Variants in CFAP46 observed in about 807,000 individuals in gnomAD.
CFAP46 encodes cilia and flagella associated protein 46.
A neutral mutation model predicts 325.7 loss-of-function variants in CFAP46; 245 were observed. That is an observed-to-expected ratio of 0.75 (90% CI 0.68 to 0.84). CFAP46 has a LOEUF of 0.84. Among genes scored for constraint, CFAP46 ranks in the 40% least tolerant of loss-of-function variants. The pLI is 0.00. For synonymous variants in CFAP46, 1,523 were observed against 1,495.9 expected (o/e 1.02, Z -0.42); for missense variants, 3,346 against 3,543.0 (o/e 0.94, Z 1.41).
intron 39 of CFAP46, among the ~76,000 whole-genome samples, chr10:132,852,381 A>AC (rs879341658): frequency 1.8e-3 from 69 of 37,948 alleles, no homozygotes; most frequent in Middle Eastern, 0.01. Flanking sequence ...TTTACTTAAG[A>AC]ATTCTCAGAT....
At chr10:132,917,707 G>C (rs528611244) in intron 16 of CFAP46, among the ~76,000 whole-genome samples, 1 of 152,296 alleles carries the variant, frequency 6.6e-6, no homozygotes, top group South Asian at 2.1e-4. Flanking sequence ...AATCCAGGAA[G>C]TTTTCCCTCC....
intron 17 of CFAP46, 101 bp from the exon 18 acceptor site, chr10:132,913,359 AAG>A: frequency 1.9e-6 from 1 of 531,072 alleles, no homozygotes. Context: ...GCTGCAGGGC[AAG>A]AAGTGGGAGG....
intron 1 of CFAP46, 41 bp from the exon 2 acceptor site, chr10:132,942,145 C>A: frequency 1.9e-6 from 3 of 1,548,850 alleles, no homozygotes; most frequent in Non-Finnish European, 2.6e-6. Context: ...GGTCACTGGG[C>A]TGGGAGAAGT....
chr10:132,885,835 C>T lies in CFAP46; in HGVS notation c.3429G>A (p.Arg1143=). 6.6e-7 allele frequency: 1 copy of T among 1,521,456 alleles called. No homozygotes were observed. The highest frequency in any genetic ancestry group is 8.9e-7 in the Non-Finnish European group (1 of 1,129,616). The allele number at this position is 1,521,456 out of a possible 1,614,324, so 94.2% of individuals were successfully genotyped here. The part of the protein sequence containing the change: ...VLDEAVQVLP[R]TAHRLLIFKH... ...GGAGCACTCACAGGCGGTGGGCCGT[C>T]CTTGGCAGCACCTGCACAGCCTCGT... The change falls in exon 26 of 58, where the codon AGG becomes AGA. Residue 1143 remains arginine, a synonymous_variant. Coordinates refer to ENST00000368586, the MANE Select transcript of CFAP46 (RefSeq NM_001200049.3).
chr10:132,824,219 C>CTGA (rs1847976943), intron 50 of CFAP46, among the ~76,000 whole-genome samples: 3 of 107,520 alleles, frequency 2.8e-5, no homozygotes, highest in African/African-American at 3.8e-5. Context: ...GCTGTGTGTG[C>CTGA]TGTGTGTTGT....
chr10:132,940,510 G>A (rs1030357851), intron 4 of CFAP46, among the ~76,000 whole-genome samples: 17 of 152,204 alleles, frequency 1.1e-4, no homozygotes, highest in African/African-American at 3.6e-4. Flanking sequence ...ACGCTGGGCC[G>A]AAGAAGGAAC....
rs1371999572 is a variant in CFAP46, at chr10:132,913,028, A to C, written c.2333+18T>G. 6.5e-7 allele frequency: 1 copy of C among 1,547,762 alleles called. No individual in the cohort carries two copies. On this transcript the variant is annotated intron_variant, in intron 18 of 57. Transcript: ENST00000368586. ...AAGAAGCCCCTCCCTGCGTGAACGC[A>C]GCACAGCCCACACGCACCCACTGTG...
In CFAP46 at chr10:132,869,267, C is replaced by T; in HGVS notation, c.4610+7G>A. On this transcript the variant is annotated splice_region_variant and intron_variant, in intron 33 of 57. Transcript: ENST00000368586. This position sits in a 1 kb window ranked among gnomAD's most constrained non-coding sequence, Gnocchi z 6.2. The stretch of plus-strand genomic sequence containing the variant: ...CCCCAGGCGGCGCAGGGTGGGACGG[C>T]ACACACCTGGCCTGCTCCAGCTCGC... 1.3e-6 allele frequency: 2 copies of T among 1,525,214 alleles called. No individual in the cohort carries two copies. Among genetic ancestry groups the T allele is most frequent in the Non-Finnish European group, 8.8e-7 (1 of 1,134,960 alleles). 94.5% of individuals were successfully genotyped at this position (1,525,214 alleles called of 1,614,324 possible).
chr10:132,920,064 C>T lies in CFAP46; in HGVS notation c.1725G>A (p.Lys575=). ...CTGGCCTTTTCCTCACTCACCTCTCCTTGTCGTTTTCGTTGCCCAGGCGCC... is the reference window on the plus strand; with the variant it reads ...CTGGCCTTTTCCTCACTCACCTCTCTTTGTCGTTTTCGTTGCCCAGGCGCC... ...HLRRLGNEND[K]ERIQIWAELA... Residue 575 remains lysine (K), a synonymous_variant, in exon 14 of 58, where the codon AAG becomes AAA. Transcript: ENST00000368586. 6.5e-7 allele frequency: 1 copy of T among 1,544,254 alleles called. No homozygotes were observed. Among genetic ancestry groups the T allele is most frequent in the Non-Finnish European group, 8.7e-7 (1 of 1,144,362 alleles).
At chr10:132,838,999 C>T (rs1848309707) in intron 44 of CFAP46, among the ~76,000 whole-genome samples, 1 of 152,240 alleles carries the variant, frequency 6.6e-6, no homozygotes, top group Admixed American at 6.5e-5. Flanking sequence ...AAATTATTGG[C>T]CACACGAATC....
chr10:132,857,779 G>A lies in CFAP46; in HGVS notation c.5385C>T (p.Ala1795=). 1 of 1,546,826 alleles carries A rather than the reference G, an allele frequency of 6.5e-7. No homozygotes were observed. Among genetic ancestry groups the A allele is most frequent in the Non-Finnish European group, 8.7e-7 (1 of 1,146,938 alleles). The change falls in exon 39 of 58, where the codon GCC becomes GCT. Residue 1795 remains alanine (A), a synonymous_variant. Transcript: ENST00000368586. ...LERAKIKRLR[A]QNEKDEEQKT... ...TTTGTTCTTCATCTTTCTCGTTCTG[G>A]GCACGTAACCTTTATAAGACATAAG...
chr10:132,837,000 G>A (rs1848261755), intron 44 of CFAP46, 86 bp from the exon 45 acceptor site: 5 of 1,056,322 alleles, frequency 4.7e-6, no homozygotes, highest in South Asian at 1.3e-5. Flanking sequence ...AGGAGACCTC[G>A]TGGCAGAGCC....
Position 132,908,219 on chromosome 10 carries a change from G to C in CFAP46, c.2924+249C>G, listed in dbSNP as rs539631909. ...GGAAGCTTTCTGGACTGGGCCTGGAGACCTGGTGGAGTGCTCACCTGCTCC... is the reference window on the plus strand; with the variant it reads ...GGAAGCTTTCTGGACTGGGCCTGGACACCTGGTGGAGTGCTCACCTGCTCC... On this transcript the variant is annotated intron_variant, in intron 22 of 57. Transcript: ENST00000368586. 3.2e-5 allele frequency: 17 copies of C among 536,808 alleles called. No homozygotes were observed. The East Asian group carries it at 5.3e-4, about 17-fold the overall frequency. 33.3% of individuals were successfully genotyped at this position (536,808 alleles called of 1,614,324 possible).
rs986025665 is a variant in CFAP46, at chr10:132,912,676, G to A, written c.2478C>T (p.Ser826=). ...FHSPLDAGAT[S]EIKTAVEVCE... ...GTACCTCCACCGCTGTTTTGATCTC[G>A]GAAGTGGCTCCTGCGTCCAGTGGGC... The change falls in exon 19 of 58, where the codon TCC becomes TCT. Residue 826 remains serine (S), a synonymous_variant. Coordinates refer to ENST00000368586, the MANE Select transcript of CFAP46 (RefSeq NM_001200049.3). 1.6e-5 allele frequency: 25 copies of A among 1,539,232 alleles called. No individual in the cohort carries two copies. The highest frequency in any genetic ancestry group is 1.0e-4 in the East Asian group (4 of 39,852).
At position 132,832,161 on chromosome 10, in the gene CFAP46, G is replaced by A. The variant is rs1286289655; in HGVS notation, c.7117+1197C>T. 3.3e-5 allele frequency among the ~76,000 whole-genome samples: 5 copies of A among 152,146 alleles called. No homozygotes were observed. Among genetic ancestry groups the A allele is most frequent in the Non-Finnish European group, 7.3e-5 (5 of 68,030 alleles). On this transcript the variant is annotated intron_variant, in intron 50 of 57. Transcript: ENST00000368586. This position sits in a 1 kb window ranked among gnomAD's most constrained non-coding sequence, Gnocchi z 4.1. ...ATTTTAAAGAGATTTTGAAAATAAA[G>A]GCGTTTTAAGTATTTATCCGTGTTT...
intron 20 of CFAP46, 66 bp downstream of exon 20, chr10:132,909,853 G>C (rs947864547): frequency 7.4e-7 from 1 of 1,342,582 alleles, no homozygotes; most frequent in Non-Finnish European, 9.6e-7. Flanking sequence ...CACCACCCCC[G>C]GCTGTCTCAG....
At chr10:132,892,529 G>T in intron 24 of CFAP46, 112 bp from the exon 25 acceptor site, 1 of 925,686 alleles carries the variant, frequency 1.1e-6, no homozygotes, top group Non-Finnish European at 1.7e-6. Context: ...TAAACTGCTT[G>T]CTATTGCCAT....
At chr10:132,814,464 T>C (rs1036875071) in intron 53 of CFAP46, 113 bp downstream of exon 53, 5 of 1,341,666 alleles carry the variant, frequency 3.7e-6, no homozygotes, top group East Asian at 2.5e-5. Flanking sequence ...CAAGCACATA[T>C]GCAGATTTCG....
In CFAP46 at chr10:132,814,244, A is replaced by G; in HGVS notation, c.7296T>C (p.Thr2432=). Residue 2432 remains threonine, a synonymous_variant, in exon 54 of 58, where the codon ACT becomes ACC. Coordinates refer to ENST00000368586, the MANE Select transcript of CFAP46 (RefSeq NM_001200049.3). ...YEEAQGPEML[T]PVSITQDILE... ...AAATGTCTTGGGTGATGGAGACAGG[A>G]GTTAGCATTTCTGCAAGGAGAACAG... 1.2e-6 allele frequency: 2 copies of G among 1,613,126 alleles called. No homozygotes were observed. Among genetic ancestry groups the G allele is most frequent in the Non-Finnish European group, 1.7e-6 (2 of 1,179,320 alleles).
Sources: gnomAD v4.1 joint callset for allele counts (sites outside exome capture counted in the v4.1 genomes callset) on GRCh38, gnomAD v4.1.1 for gene constraint, Gnocchi (gnomAD v3.1) non-coding constraint, MANE v1.5 for transcripts, NCBI Gene and HGNC (gene_info 2026-07-23, HGNC 2026-07-21) for gene names.